The following CYP7B1 variants were observed in gnomAD, a reference collection of about 807,000 sequenced individuals.
CYP7B1 encodes the protein cytochrome P450 family 7 subfamily B member 1.
In CYP7B1, 29 loss-of-function variants were observed where a neutral mutation model predicts 42.7. The ratio of observed to expected loss-of-function variants is 0.68; its 90% confidence interval spans 0.51 to 0.93. The LOEUF is 0.93. CYP7B1 is among the 40% of genes least tolerant of loss of function. CYP7B1 has a pLI of 0.00. For missense variants in CYP7B1, 655 were observed against 600.5 expected (o/e 1.09, Z -0.95); for synonymous variants, 235 against 218.2 (o/e 1.08, Z -0.68).
chr8:64,772,654 C>CAGGT (rs1459180581), intron 1 of CYP7B1, among the ~76,000 whole-genome samples: 1 of 152,180 alleles, frequency 6.6e-6, no homozygotes, highest in Admixed American at 6.5e-5. Context: ...AACCTACTTA[C>CAGGT]AGGTGTCTGG....
chr8:64,793,352 T>A (rs1804651820), intron 1 of CYP7B1, among the ~76,000 whole-genome samples: 1 of 152,246 alleles, frequency 6.6e-6, no homozygotes, highest in Admixed American at 6.5e-5. Flanking sequence ...ATCTTATATT[T>A]ATTTTAATTG....
intron 1 of CYP7B1, among the ~76,000 whole-genome samples, chr8:64,771,472 T>C (rs921297767): frequency 8.5e-5 from 13 of 152,232 alleles, no homozygotes; most frequent in African/African-American, 3.1e-4. Context: ...TTTTTTTCTT[T>C]ATATTTTCTG....
chr8:64,632,828 G>T (rs906761692), intron 1 of CYP7B1, among the ~76,000 whole-genome samples: 1 of 152,000 alleles, frequency 6.6e-6, no homozygotes, highest in Non-Finnish European at 1.5e-5. Context: ...TATCATTCTG[G>T]AAGTCCTAGC....
At chr8:64,729,210 A>G (rs186924537) in intron 1 of CYP7B1, among the ~76,000 whole-genome samples, 4 of 152,324 alleles carry the variant, frequency 2.6e-5, no homozygotes. Context: ...GCTAATGTAA[A>G]TATGTATTTC....
At chr8:64,757,202 C>T (rs951624741) in intron 1 of CYP7B1, among the ~76,000 whole-genome samples, 1 of 152,182 alleles carries the variant, frequency 6.6e-6, no homozygotes, top group African/African-American at 2.4e-5. Flanking sequence ...CTCAACTGCT[C>T]TGTAGCAGTA....
At chr8:64,639,125 C>T (rs956093145) in intron 1 of CYP7B1, among the ~76,000 whole-genome samples, 2 of 151,160 alleles carry the variant, frequency 1.3e-5, no homozygotes, top group Non-Finnish European at 2.9e-5. Flanking sequence ...AAATAGGACA[C>T]AAACTAAGAA....
intron 1 of CYP7B1, among the ~76,000 whole-genome samples, chr8:64,749,136 A>G (rs980734589): frequency 6.6e-6 from 1 of 150,776 alleles, no homozygotes; most frequent in African/African-American, 2.4e-5. Context: ...GCTGGAGTGC[A>G]GTGGTGTGAT....
At chr8:64,597,531 T>A (rs1805137262) in intron 5 of CYP7B1, among the ~76,000 whole-genome samples, 1 of 152,224 alleles carries the variant, frequency 6.6e-6, no homozygotes, top group African/African-American at 2.4e-5. Context: ...TGTTTTTTGA[T>A]GTTGTAGTTA....
intron 1 of CYP7B1, among the ~76,000 whole-genome samples, chr8:64,630,791 G>A (rs1196106609): frequency 2.0e-5 from 3 of 152,178 alleles, no homozygotes; most frequent in South Asian, 4.1e-4. Context: ...TGATAATTTC[G>A]ATGTGGTCCA....
At chr8:64,586,701 A>G (rs941818523), downstream of CYP7B1, among the ~76,000 whole-genome samples, 5 of 152,246 alleles carry the variant, frequency 3.3e-5, no homozygotes, top group Non-Finnish European at 7.3e-5. Context: ...ACTATCAGAA[A>G]CATGAATAGG....
intron 1 of CYP7B1, among the ~76,000 whole-genome samples, chr8:64,753,230 AT>A (rs879606043): frequency 2.0e-5 from 3 of 152,128 alleles, no homozygotes; most frequent in Admixed American, 6.5e-5. Context: ...TATTAATAGC[AT>A]TTTTTTCAAA....
chr8:64,611,151 G>A (rs1347746641), intron 4 of CYP7B1, among the ~76,000 whole-genome samples: 2 of 151,954 alleles, frequency 1.3e-5, no homozygotes, highest in East Asian at 1.9e-4. Flanking sequence ...ATTCCTCTCC[G>A]CTCTCAGCTG....
chr8:64,722,307 G>A (rs938843647), intron 1 of CYP7B1, among the ~76,000 whole-genome samples: 1 of 152,130 alleles, frequency 6.6e-6, no homozygotes, highest in African/African-American at 2.4e-5. Context: ...ACCTTATGTG[G>A]CCCATCAGAG....
At chr8:64,617,304 A>G (rs1805463415) in intron 2 of CYP7B1, among the ~76,000 whole-genome samples, 1 of 152,144 alleles carries the variant, frequency 6.6e-6, no homozygotes, top group African/African-American at 2.4e-5. Context: ...TGATTCTTAT[A>G]AGGATGCACC....
intron 1 of CYP7B1, among the ~76,000 whole-genome samples, chr8:64,669,272 C>T (rs1046132682): frequency 2.0e-5 from 3 of 151,968 alleles, no homozygotes; most frequent in African/African-American, 7.3e-5. Flanking sequence ...TTAAGTATAT[C>T]GTACTGATAC....
intron 1 of CYP7B1, among the ~76,000 whole-genome samples, chr8:64,669,026 G>A (rs1223731568): frequency 6.6e-6 from 1 of 152,058 alleles, no homozygotes; most frequent in South Asian, 2.1e-4. Context: ...CTTAAAAATG[G>A]GTACCATTTT....
intron 1 of CYP7B1, among the ~76,000 whole-genome samples, chr8:64,641,049 T>G (rs556142744): frequency 2.0e-5 from 3 of 152,190 alleles, no homozygotes; most frequent in African/African-American, 7.2e-5. Flanking sequence ...CACTTAGCCA[T>G]TGTGATTCAT....
At chr8:64,587,583 C>T (rs1395754072), downstream of CYP7B1, among the ~76,000 whole-genome samples, 1 of 152,216 alleles carries the variant, frequency 6.6e-6, no homozygotes, top group African/African-American at 2.4e-5. Flanking sequence ...TGCTCGCTTC[C>T]TCACGCAGCA....
At chr8:64,657,687 G>T (rs1806142057) in intron 1 of CYP7B1, among the ~76,000 whole-genome samples, 1 of 152,144 alleles carries the variant, frequency 6.6e-6, no homozygotes. Flanking sequence ...TTATAGAATG[G>T]AGATAAACAA....
Sources: allele counts gnomAD v4.1 joint callset (sites outside exome capture counted in the v4.1 genomes callset), GRCh38; gene constraint gnomAD v4.1.1; transcripts MANE v1.5; gene names NCBI Gene and HGNC (gene_info 2026-07-23, HGNC 2026-07-21).